Variants in HDAC4 observed in about 807,000 individuals in gnomAD.
HDAC4 encodes histone deacetylase 4.
HDAC4 carries 16 observed loss-of-function variants against 135.1 expected under a neutral mutation model. The ratio of observed to expected loss-of-function variants is 0.12; its 90% confidence interval spans 0.08 to 0.18. The LOEUF is 0.18. Among genes scored for constraint, HDAC4 ranks in the 10% least tolerant of loss-of-function variants. The probability of loss-of-function intolerance (pLI) is 1.00; values close to 1 mark genes in which losing one functional copy is unlikely to be tolerated. For missense variants in HDAC4, 1,143 were observed against 1,511.8 expected (o/e 0.76, Z 4.05); for synonymous variants, 685 against 653.4 (o/e 1.05, Z -0.74).
At chr2:239,111,780 G>T (rs2038696066) in intron 13 of HDAC4, 68 bp from the exon 14 acceptor site, 1 of 1,438,528 alleles carries the variant, frequency 7.0e-7, no homozygotes, top group Admixed American at 2.0e-5. Flanking sequence ...AGGGCTAGGG[G>T]TTGCCCTCTC....
chr2:239,399,697 G>A (rs766901836), intron 1 of HDAC4, among the ~76,000 whole-genome samples: 23 of 152,190 alleles, frequency 1.5e-4, no homozygotes, highest in Non-Finnish European at 2.8e-4. Flanking sequence ...AGCCTGAACA[G>A]AGAAAAACGG....
At chr2:239,241,296 C>T (rs1158593395) in intron 2 of HDAC4, among the ~76,000 whole-genome samples, 1 of 152,210 alleles carries the variant, frequency 6.6e-6, no homozygotes, top group Non-Finnish European at 1.5e-5. Flanking sequence ...GTGGTTTCCA[C>T]CCTTGGGACC....
chr2:239,159,359 A>T (rs2042635567), intron 6 of HDAC4, among the ~76,000 whole-genome samples: 1 of 137,834 alleles, frequency 7.3e-6, no homozygotes, highest in Non-Finnish European at 1.6e-5. Context: ...CACACCCCAC[A>T]CCCACCTCAC....
At chr2:239,267,905 C>T (rs2049838897) in intron 2 of HDAC4, among the ~76,000 whole-genome samples, 1 of 152,264 alleles carries the variant, frequency 6.6e-6, no homozygotes, top group Admixed American at 6.5e-5. Context: ...TCCAAACAGT[C>T]TTTCAAATAC....
At chr2:239,072,997 C>G (rs1163374421) in intron 22 of HDAC4, among the ~76,000 whole-genome samples, 1 of 152,196 alleles carries the variant, frequency 6.6e-6, no homozygotes, top group African/African-American at 2.4e-5. Context: ...GCACGCGGTG[C>G]CTGATCCTGG....
At chr2:239,329,721 T>C (rs973902629) in intron 2 of HDAC4, among the ~76,000 whole-genome samples, 1 of 152,214 alleles carries the variant, frequency 6.6e-6, no homozygotes, top group African/African-American at 2.4e-5. Flanking sequence ...ACTCAGGGCC[T>C]GGGCTGGGCT....
intron 3 of HDAC4, among the ~76,000 whole-genome samples, chr2:239,197,847 T>TTGTGTGTGTGTGTGTG (rs368801140): frequency 0.032 from 4,498 of 140,130 alleles, 142 homozygotes; most frequent in South Asian, 0.043. Context: ...CACTAAAAGT[T>TTGTGTGTGTGTGTGTG]TGTGTGTGTG....
chr2:239,162,864 C>T (rs1302264041), intron 6 of HDAC4, among the ~76,000 whole-genome samples: 2 of 152,160 alleles, frequency 1.3e-5, no homozygotes, highest in Non-Finnish European at 2.9e-5. Flanking sequence ...GGGGGTCTCA[C>T]TACACATAGC....
chr2:239,272,412 A>G (rs758218697), intron 2 of HDAC4, among the ~76,000 whole-genome samples: 1 of 152,278 alleles, frequency 6.6e-6, no homozygotes, highest in Non-Finnish European at 1.5e-5. Context: ...CAAACCATAT[A>G]TCTGATCAAG....
rs1415832933 is a variant in HDAC4 at position 239,146,691 on chromosome 2, A to ACCCCTTCCCTCCACTCCCCT, written c.734-1997_734-1978dup. 1.9e-4 allele frequency among the ~76,000 whole-genome samples: 23 copies of ACCCCTTCCCTCCACTCCCCT among 121,040 alleles called. No homozygotes were observed. Among genetic ancestry groups the ACCCCTTCCCTCCACTCCCCT allele is most frequent in the Non-Finnish European group, 3.5e-4 (20 of 57,222 alleles). 79.4% of individuals were successfully genotyped at this position (121,040 alleles called of 152,430 possible). On this transcript the variant is annotated intron_variant, in intron 7 of 26. Transcript: ENST00000543185. This position sits in a 1 kb window ranked among gnomAD's most constrained non-coding sequence, Gnocchi z 4.5. Reference sequence around the variant, plus strand: ...AGTCCCATGGTGGCTGCTTCACCCCACCCCTTCCCTCCACTCCCCTCCCCT... The same window carrying ACCCCTTCCCTCCACTCCCCT: ...AGTCCCATGGTGGCTGCTTCACCCCACCCCTTCCCTCCACTCCCCTCCCCTTCCCTCCACTCCCCTCCCCT...
chr2:239,299,838 C>T lies in HDAC4; in HGVS notation c.22+52840G>A, dbSNP rs920122357. Among the ~76,000 whole-genome samples the T allele has an allele frequency of 1.3e-5, 2 of 152,308 alleles. No individual in the cohort carries two copies. The highest frequency in any genetic ancestry group is 4.8e-5 in the African/African-American group (2 of 41,570). Reference sequence around the variant, plus strand: ...GAGGCACACACCAGACGAACCAAACCAGCAACAGAGCGGAGAGCCTGCAGG... The same window carrying T: ...GAGGCACACACCAGACGAACCAAACTAGCAACAGAGCGGAGAGCCTGCAGG... On this transcript the variant is annotated intron_variant, in intron 2 of 26. Coordinates refer to ENST00000543185, the MANE Select transcript of HDAC4 (RefSeq NM_001378414.1). This position sits in a 1 kb window ranked among gnomAD's most constrained non-coding sequence, Gnocchi z 4.0.
chr2:239,183,391 C>T (rs367949763), intron 4 of HDAC4, among the ~76,000 whole-genome samples: 13 of 152,348 alleles, frequency 8.5e-5, no homozygotes, highest in Non-Finnish European at 1.6e-4. Flanking sequence ...ATGCCGCGCC[C>T]GCATAAAGCG....
intron 2 of HDAC4, among the ~76,000 whole-genome samples, chr2:239,249,516 A>G (rs2048660820): frequency 6.6e-6 from 1 of 152,224 alleles, no homozygotes; most frequent in African/African-American, 2.4e-5. Flanking sequence ...TAAGAGAGCC[A>G]ATCACCATTT....
At chr2:239,079,553 T>C (rs1238941868) in intron 22 of HDAC4, among the ~76,000 whole-genome samples, 5 of 152,022 alleles carry the variant, frequency 3.3e-5, no homozygotes, top group African/African-American at 9.7e-5. Context: ...TAGAGAAGAG[T>C]GAGCAGACAC....
At chr2:239,295,322 A>G (rs2051815701) in intron 2 of HDAC4, among the ~76,000 whole-genome samples, 1 of 151,148 alleles carries the variant, frequency 6.6e-6, no homozygotes, top group East Asian at 1.9e-4. Context: ...AAAAAAAAAA[A>G]AAAAAAAAAA....
chr2:239,165,395 C>T (rs2043062077), intron 5 of HDAC4, among the ~76,000 whole-genome samples: 1 of 152,184 alleles, frequency 6.6e-6, no homozygotes, highest in African/African-American at 2.4e-5. Flanking sequence ...TGGACACGCG[C>T]CGATTTCCTC....
chr2:239,114,947 C>T lies in HDAC4; in HGVS notation c.1791+106G>A, dbSNP rs191076614. The T allele has an allele frequency of 1.8e-3, 2,389 of 1,363,606 alleles. 3 individuals carry two copies. The highest frequency in any genetic ancestry group is 3.5e-3 in the Middle Eastern group (14 of 4,044). The allele number at this position is 1,363,606 out of a possible 1,614,324, so 84.5% of individuals were successfully genotyped here. On this transcript the variant is annotated intron_variant, in intron 13 of 26. Coordinates refer to ENST00000543185, the MANE Select transcript of HDAC4 (RefSeq NM_001378414.1). ...CAGGTGAGACACTGGACAGTGACCGCGCAAGGATGCCCTGCAGCCCCCGTG... is the reference window on the plus strand; with the variant it reads ...CAGGTGAGACACTGGACAGTGACCGTGCAAGGATGCCCTGCAGCCCCCGTG...
intron 15 of HDAC4, among the ~76,000 whole-genome samples, chr2:239,106,246 C>A (rs1220230042): frequency 1.3e-5 from 2 of 152,312 alleles, no homozygotes; most frequent in African/African-American, 4.8e-5. Flanking sequence ...TGCTTTCTCA[C>A]TCCTCCCTCC....
chr2:239,054,714 C>T lies in HDAC4; in HGVS notation c.3088+35G>A, dbSNP rs367944630. The T allele has an allele frequency of 5.0e-5, 67 of 1,343,222 alleles. 1 individual carries two copies. Among genetic ancestry groups the T allele is most frequent in the Middle Eastern group, 1.8e-4 (1 of 5,568 alleles). 83.2% of individuals were successfully genotyped at this position (1,343,222 alleles called of 1,614,324 possible). A position where few individuals can be genotyped will look rare whatever the true frequency, so the allele number is the denominator to read the frequency against. ...TGTGGTGCAGTCCCACCCCCAGGGG[C>T]GTGTCCCCTGTGAGCACCCAGCCAG... On this transcript the variant is annotated intron_variant, in intron 25 of 26. Transcript: ENST00000543185.
Sources: allele counts gnomAD v4.1 joint callset (sites outside exome capture counted in the v4.1 genomes callset), GRCh38; gene constraint gnomAD v4.1.1; non-coding constraint Gnocchi (gnomAD v3.1); transcripts MANE v1.5; gene names NCBI Gene and HGNC (gene_info 2026-07-23, HGNC 2026-07-21).